EIF2AK2: variants seen among roughly 807,000 people sequenced by gnomAD.
EIF2AK2 encodes the protein interferon-induced, double-stranded RNA-activated protein kinase.
A neutral mutation model predicts 70.5 loss-of-function variants in EIF2AK2; 40 were observed. The observed-to-expected ratio is 0.57, with a 90% CI of 0.44 to 0.74. EIF2AK2 has a LOEUF of 0.74. Ranked by LOEUF, EIF2AK2 falls within the 30% of genes least tolerant of loss-of-function variation. The pLI is 0.00. For synonymous variants in EIF2AK2, 198 were observed against 220.9 expected (o/e 0.90, Z 0.92); for missense variants, 555 against 644.3 (o/e 0.86, Z 1.50).
At chr2:37,139,092 T>A (rs1675231443) in intron 6 of EIF2AK2, among the ~76,000 whole-genome samples, 1 of 150,760 alleles carries the variant, frequency 6.6e-6, no homozygotes, top group Admixed American at 6.6e-5. Flanking sequence ...CTGAGGTGGG[T>A]GGATCATGAG....
chr2:37,122,071 C>A lies in EIF2AK2; in HGVS notation c.1067+435G>T, dbSNP rs186267947. Among the ~76,000 whole-genome samples, 6 of 152,324 alleles carry A rather than the reference C, an allele frequency of 3.9e-5. No individual in the cohort carries two copies. The East Asian group carries it at 9.6e-4, about 24-fold the overall frequency. On this transcript the variant is annotated intron_variant, in intron 12 of 16. Transcript: ENST00000233057. ...GTGGTATAGTTACATTCCAAAGAGACCCTCTGACGGCACCACACCAATCAC... is the reference window on the plus strand; with the variant it reads ...GTGGTATAGTTACATTCCAAAGAGAACCTCTGACGGCACCACACCAATCAC...
intron 10 of EIF2AK2, among the ~76,000 whole-genome samples, chr2:37,130,667 G>A (rs1038430763): frequency 1.3e-5 from 2 of 151,992 alleles, no homozygotes; most frequent in Non-Finnish European, 2.9e-5. Flanking sequence ...GCTTTTACTT[G>A]GACTGACGCT....
chr2:37,132,685 T>C (rs1414139291), intron 10 of EIF2AK2, among the ~76,000 whole-genome samples: 2 of 152,198 alleles, frequency 1.3e-5, no homozygotes, highest in Non-Finnish European at 2.9e-5. Flanking sequence ...AGTTCCCACA[T>C]ACACATAACC....
intron 12 of EIF2AK2, among the ~76,000 whole-genome samples, chr2:37,120,935 G>A (rs1305764442): frequency 1.4e-5 from 2 of 145,816 alleles, no homozygotes; most frequent in East Asian, 2.0e-4. Flanking sequence ...TTGTGCTCCC[G>A]CATGAGCGAT....
intron 13 of EIF2AK2, 70 bp downstream of exon 13, chr2:37,119,889 G>T: frequency 1.1e-6 from 1 of 932,208 alleles, no homozygotes; most frequent in South Asian, 5.3e-5. Context: ...ACTGTGCCCA[G>T]CTGAGAAGAT....
Position 37,145,742 on chromosome 2 carries a change from C to CTTTTTTTT in EIF2AK2, c.240+1103_240+1110dup, listed in dbSNP as rs56051707. On this transcript the variant is annotated intron_variant, in intron 4 of 16. Coordinates refer to ENST00000233057, the MANE Select transcript of EIF2AK2 (RefSeq NM_001135651.3). ...CTTATATGGGTGTACTTTTGCTTGT[C>CTTTTTTTT]TTTTTTTTTTTTTTTTTTTTTTTTT... is the stretch of plus-strand genomic sequence containing the variant. 2.9e-4 allele frequency among the ~76,000 whole-genome samples: 15 copies of CTTTTTTTT among 51,224 alleles called. 1 individual carries two copies. Among genetic ancestry groups the CTTTTTTTT allele is most frequent in the African/African-American group, 1.1e-3 (14 of 12,388 alleles). 33.6% of individuals were successfully genotyped at this position (51,224 alleles called of 152,430 possible). A position where few individuals can be genotyped will look rare whatever the true frequency, so the allele number is the denominator to read the frequency against.
intron 13 of EIF2AK2, among the ~76,000 whole-genome samples, chr2:37,119,633 C>T (rs539028139): frequency 6.6e-6 from 1 of 151,160 alleles, no homozygotes; most frequent in Non-Finnish European, 1.5e-5. Flanking sequence ...CACTCTTCAC[C>T]TAGGCTGGAG....
At chr2:37,143,213 AC>A (rs1198494127) in intron 4 of EIF2AK2, among the ~76,000 whole-genome samples, 1 of 110,942 alleles carries the variant, frequency 9.0e-6, no homozygotes, top group Non-Finnish European at 1.9e-5. Context: ...ACAGAGCGAG[AC>A]TCTGTCTCAA....
At chr2:37,154,722 G>A (rs1220614060) in intron 1 of EIF2AK2, among the ~76,000 whole-genome samples, 3 of 151,930 alleles carry the variant, frequency 2.0e-5, no homozygotes, top group Admixed American at 6.6e-5. Flanking sequence ...CACCACGCCC[G>A]GCTAATTTTT....
At position 37,141,481 on chromosome 2, in the gene EIF2AK2, T is replaced by C. The variant is rs553313228; in HGVS notation, c.389+72A>G. On this transcript the variant is annotated intron_variant, in intron 5 of 16. Transcript: ENST00000233057. The stretch of plus-strand genomic sequence containing the variant: ...AAAAGGACACATATTTCTGGAAAAT[T>C]AGACACGAAAATAAACCAACTTTAT... 2.3e-5 allele frequency: 36 copies of C among 1,557,608 alleles called. 1 individual carries two copies. The East Asian group carries it at 7.6e-4, about 33-fold the overall frequency.
intron 1 of EIF2AK2, among the ~76,000 whole-genome samples, chr2:37,154,336 AC>A (rs112762078): frequency 0.03 from 4,367 of 147,526 alleles, 67 homozygotes; most frequent in African/African-American, 0.034. Flanking sequence ...AAAAAAAAAA[AC>A]AAAAACAAAA....
At chr2:37,144,326 C>T (rs1052146596) in intron 4 of EIF2AK2, among the ~76,000 whole-genome samples, 1 of 148,766 alleles carries the variant, frequency 6.7e-6, no homozygotes, top group Non-Finnish European at 1.5e-5. Flanking sequence ...ATTTACTATA[C>T]TTTTTTTATC....
Position 37,129,065 on chromosome 2 carries a change from C to A in EIF2AK2, c.786-2654G>T, listed in dbSNP as rs149784836. On this transcript the variant is annotated intron_variant, in intron 10 of 16. Coordinates refer to ENST00000233057, the MANE Select transcript of EIF2AK2 (RefSeq NM_001135651.3). ...TATTTCCCAATCCACCCCAGATATT[C>A]GGAAAAAATTACAAAAATTAGAGGA... is the stretch of plus-strand genomic sequence containing the variant. 2.7e-3 allele frequency among the ~76,000 whole-genome samples: 404 copies of A among 151,814 alleles called. 2 individuals are homozygous for A. The highest frequency in any genetic ancestry group is 8.2e-3 in the African/African-American group (341 of 41,362).
At chr2:37,111,219 A>G (rs1674131822) in intron 14 of EIF2AK2, among the ~76,000 whole-genome samples, 1 of 152,190 alleles carries the variant, frequency 6.6e-6, no homozygotes, top group Non-Finnish European at 1.5e-5. Flanking sequence ...CTGTGGATGT[A>G]TGGTGGTGAT....
intron 5 of EIF2AK2, among the ~76,000 whole-genome samples, chr2:37,140,774 C>G (rs917826976): frequency 2.0e-5 from 3 of 152,184 alleles, no homozygotes; most frequent in African/African-American, 7.2e-5. Flanking sequence ...TTTTTCTCTT[C>G]CTGGTTTTGG....
At chr2:37,132,521 A>G (rs139923560) in intron 10 of EIF2AK2, among the ~76,000 whole-genome samples, 7,306 of 151,972 alleles carry the variant, frequency 0.048, 206 homozygotes, top group Middle Eastern at 0.061. Context: ...CCCCAGAGGC[A>G]GAGATTGCAG....
Position 37,103,228 on chromosome 2 carries a change from TC to T in EIF2AK2, c.*4044del, listed in dbSNP as rs1419835862. The T allele has an allele frequency of 2.0e-5, 3 of 151,616 alleles. No homozygotes were observed. The highest frequency in any genetic ancestry group is 7.3e-5 in the African/African-American group (3 of 41,206). The allele number at this position is 151,616 out of a possible 1,614,324, so 9.4% of individuals were successfully genotyped here. A position where few individuals can be genotyped will look rare whatever the true frequency, so the allele number is the denominator to read the frequency against. ...TTTTTTTTTTGAGACTGAGTTTTGC[TC>T]TTGTCACCCAGGCTGGAGTGCAATG... On this transcript the variant is annotated 3_prime_UTR_variant, in exon 17 of 17. Transcript: ENST00000233057.
rs545447011 is a variant in EIF2AK2, at chr2:37,103,517, G to C, written c.*3756C>G. 1 of 152,184 alleles carries C rather than the reference G, an allele frequency of 6.6e-6. No homozygotes were observed. The highest frequency in any genetic ancestry group is 1.5e-5 in the Non-Finnish European group (1 of 68,024). The allele number at this position is 152,184 out of a possible 1,614,324, so 9.4% of individuals were successfully genotyped here. A position where few individuals can be genotyped will look rare whatever the true frequency, so the allele number is the denominator to read the frequency against. On this transcript the variant is annotated 3_prime_UTR_variant, in exon 17 of 17. Transcript: ENST00000233057. ...AGCCAGAGTAGGAATATTAAAATGA[G>C]GTCAGTAAAGATAAGGCTACATTCT...
rs896439585 is a variant in EIF2AK2 at position 37,120,238 on chromosome 2, C to A, written c.1068-99G>T. The A allele has an allele frequency of 3.1e-5, 25 of 817,068 alleles. No homozygotes were observed. The South Asian group carries it at 4.3e-4, about 14-fold the overall frequency. The allele number at this position is 817,068 out of a possible 1,614,324, so 50.6% of individuals were successfully genotyped here. On this transcript the variant is annotated intron_variant, in intron 12 of 16. Coordinates refer to ENST00000233057, the MANE Select transcript of EIF2AK2 (RefSeq NM_001135651.3). ...AAAGTTTTTCATAACTTTTTAAAAG[C>A]TTATACCTTATCTTCTTAAGAACCC...
Sources: gnomAD v4.1 joint callset for allele counts (sites outside exome capture counted in the v4.1 genomes callset) on GRCh38, gnomAD v4.1.1 for gene constraint, MANE v1.5 for transcripts, NCBI Gene and HGNC (gene_info 2026-07-23, HGNC 2026-07-21) for gene names.